The following CSMD1 variants were observed in gnomAD, a reference collection of about 807,000 sequenced individuals.
CSMD1 encodes the protein CUB and Sushi multiple domains 1, also known as CUB and sushi domain-containing protein 1.
CSMD1 carries 213 observed loss-of-function variants against 417.5 expected under a neutral mutation model. The observed-to-expected ratio is 0.51, with a 90% CI of 0.46 to 0.57. The LOEUF (loss-of-function observed/expected upper bound fraction) is 0.57. Ranked by LOEUF, CSMD1 falls within the 20% of genes least tolerant of loss-of-function variation. The pLI, the probability that CSMD1 is intolerant of heterozygous loss-of-function variation, is 0.00. For missense variants in CSMD1, 6,923 were observed against 4,529.7 expected, an observed-to-expected ratio of 1.53 and a Z score of -15.17; for synonymous variants, 2,862 against 1,736.8, an observed-to-expected ratio of 1.65 and a Z score of -16.11.
At chr8:4,233,743 T>A in intron 3 of CSMD1, among the ~76,000 whole-genome samples, 1 of 152,178 alleles carries the variant, frequency 6.6e-6, no homozygotes, top group East Asian at 1.9e-4. Context: ...AATAAAGATG[T>A]AAGATCTCTG....
At chr8:4,064,833 C>G (rs1799161943) in intron 3 of CSMD1, among the ~76,000 whole-genome samples, 1 of 151,906 alleles carries the variant, frequency 6.6e-6, no homozygotes, top group South Asian at 2.1e-4. Context: ...TATATCATGT[C>G]AATAATGTGA....
intron 56 of CSMD1, among the ~76,000 whole-genome samples, chr8:2,974,105 G>T (rs559575840): frequency 6.6e-6 from 1 of 151,926 alleles, no homozygotes; most frequent in African/African-American, 2.4e-5. Context: ...GAGGATGATG[G>T]TAGAGGATGA....
intron 49 of CSMD1, among the ~76,000 whole-genome samples, chr8:3,072,168 A>C (rs1397332082): frequency 6.6e-6 from 1 of 152,204 alleles, no homozygotes; most frequent in African/African-American, 2.4e-5. Context: ...ATTCTTCCGG[A>C]GTCTATGTCT....
intron 59 of CSMD1, among the ~76,000 whole-genome samples, chr8:2,964,957 T>C (rs1803831724): frequency 6.6e-6 from 1 of 152,202 alleles, no homozygotes; most frequent in Non-Finnish European, 1.5e-5. Flanking sequence ...CTCAGTATTT[T>C]ATTTGTTCCT....
intron 4 of CSMD1, among the ~76,000 whole-genome samples, chr8:4,030,087 G>C (rs1455727298): frequency 6.6e-6 from 1 of 152,176 alleles, no homozygotes. Context: ...CCTCCTGGAT[G>C]CTTTCATGGG....
intron 23 of CSMD1, among the ~76,000 whole-genome samples, chr8:3,323,958 T>C (rs957500995): frequency 7.8e-5 from 11 of 141,530 alleles, no homozygotes; most frequent in Admixed American, 7.6e-4. Flanking sequence ...AGGGGGAGTT[T>C]CCTTCACCCC....
intron 1 of CSMD1, among the ~76,000 whole-genome samples, chr8:4,730,053 G>C (rs763678906): frequency 1.2e-4 from 19 of 152,028 alleles, no homozygotes; most frequent in Non-Finnish European, 2.6e-4. Flanking sequence ...ACTCCTCTCA[G>C]AATGGCCAGA....
intron 3 of CSMD1, among the ~76,000 whole-genome samples, chr8:4,071,239 T>C (rs1039724268): frequency 9.9e-5 from 15 of 152,180 alleles, no homozygotes; most frequent in Non-Finnish European, 1.9e-4. Context: ...TTAGGCCTGA[T>C]ATTGTCCCAA....
At chr8:3,239,452 G>C (rs2081277) in intron 26 of CSMD1, among the ~76,000 whole-genome samples, 1 of 151,982 alleles carries the variant, frequency 6.6e-6, no homozygotes, top group African/African-American at 2.4e-5. Context: ...CTTATCCAGT[G>C]AAAGTGTCTA....
chr8:3,222,740 G>A (rs1000307980), intron 28 of CSMD1, among the ~76,000 whole-genome samples: 1 of 152,164 alleles, frequency 6.6e-6, no homozygotes, highest in African/African-American at 2.4e-5. Context: ...GTGTTCACTG[G>A]TTTTCTGTAA....
At chr8:3,459,807 G>A (rs186550916) in intron 12 of CSMD1, among the ~76,000 whole-genome samples, 1 of 152,070 alleles carries the variant, frequency 6.6e-6, no homozygotes, top group African/African-American at 2.4e-5. Context: ...ACCAGAAACA[G>A]TCTGTGTTGA....
At chr8:4,555,756 A>G (rs1798061444) in intron 2 of CSMD1, among the ~76,000 whole-genome samples, 1 of 152,212 alleles carries the variant, frequency 6.6e-6, no homozygotes, top group African/African-American at 2.4e-5. Context: ...GTTCCATTTC[A>G]GTTAACAAAT....
At chr8:3,620,803 G>C (rs1312414999) in intron 7 of CSMD1, among the ~76,000 whole-genome samples, 3 of 152,142 alleles carry the variant, frequency 2.0e-5, no homozygotes, top group African/African-American at 4.8e-5. Context: ...AATGGTAAAA[G>C]TCAGAGCTAC....
chr8:4,233,050 G>T (rs1801838352), intron 3 of CSMD1, among the ~76,000 whole-genome samples: 2 of 152,148 alleles, frequency 1.3e-5, no homozygotes, highest in South Asian at 4.1e-4. Context: ...AGGATATGTT[G>T]CTCTAGGTTT....
At chr8:4,506,759 G>C (rs1656304019) in intron 2 of CSMD1, among the ~76,000 whole-genome samples, 1 of 152,086 alleles carries the variant, frequency 6.6e-6, no homozygotes, top group African/African-American at 2.4e-5. Flanking sequence ...GGTTAAATAA[G>C]CATAAATGCT....
intron 2 of CSMD1, among the ~76,000 whole-genome samples, chr8:4,503,970 A>C (rs77679875): frequency 2.6e-5 from 3 of 113,604 alleles, no homozygotes; most frequent in Non-Finnish European, 5.7e-5. Context: ...TTGCATATTC[A>C]AAAAAAAAAA....
chr8:3,740,983 G>C (rs575240752), intron 6 of CSMD1, among the ~76,000 whole-genome samples: 3 of 152,180 alleles, frequency 2.0e-5, no homozygotes, highest in Admixed American at 2.0e-4. Flanking sequence ...TGGAGGCCAA[G>C]GTGGACGGAT....
At chr8:4,381,266 G>T (rs190981945) in intron 3 of CSMD1, among the ~76,000 whole-genome samples, 1 of 152,178 alleles carries the variant, frequency 6.6e-6, no homozygotes, top group African/African-American at 2.4e-5. Flanking sequence ...GAATAAAGGC[G>T]TCAAAACAGC....
chr8:4,490,944 G>C (rs1011498933), intron 2 of CSMD1, among the ~76,000 whole-genome samples: 1 of 152,184 alleles, frequency 6.6e-6, no homozygotes, highest in African/African-American at 2.4e-5. Context: ...GAGAGTTTTA[G>C]AAGAAACAAG....
Sources: gnomAD v4.1 joint callset for allele counts (sites outside exome capture counted in the v4.1 genomes callset) on GRCh38, gnomAD v4.1.1 for gene constraint, MANE v1.5 for transcripts, NCBI Gene and HGNC (gene_info 2026-07-23, HGNC 2026-07-21) for gene names.